PTPRF: variants seen among roughly 807,000 people sequenced by gnomAD.
PTPRF encodes the protein receptor-type tyrosine-protein phosphatase F.
In PTPRF, 59 loss-of-function variants were observed where a neutral mutation model predicts 201.8. The observed-to-expected ratio is 0.29, with a 90% CI of 0.24 to 0.36. The LOEUF (loss-of-function observed/expected upper bound fraction) is 0.36. Ranked by LOEUF, PTPRF falls within the 10% of genes least tolerant of loss-of-function variation. PTPRF has a pLI of 1.00. For synonymous variants in PTPRF, 1,088 were observed against 1,089.7 expected (o/e 1.00, Z 0.03); for missense variants, 2,132 against 2,690.5 (o/e 0.79, Z 4.59).
chr1:43,607,443 G>A (rs1655391584), intron 21 of PTPRF, among the ~76,000 whole-genome samples: 1 of 152,168 alleles, frequency 6.6e-6, no homozygotes, highest in African/African-American at 2.4e-5. Flanking sequence ...CATGACTGAT[G>A]GCCTGCTGTG....
chr1:43,614,063 A>G (rs1324731303), intron 23 of PTPRF, among the ~76,000 whole-genome samples: 1 of 152,238 alleles, frequency 6.6e-6, no homozygotes, highest in Non-Finnish European at 1.5e-5. Flanking sequence ...CAGCCACAGT[A>G]GCTGGCATCT....
intron 23 of PTPRF, among the ~76,000 whole-genome samples, chr1:43,614,579 A>AGTCGCT (rs773784808): frequency 2.6e-5 from 4 of 152,192 alleles, no homozygotes; most frequent in Non-Finnish European, 5.9e-5. Context: ...GGCCAGGCGC[A>AGTCGCT]GTCGCTCACG....
At chr1:43,584,604 G>A (rs115431709) in intron 7 of PTPRF, among the ~76,000 whole-genome samples, 79 of 151,724 alleles carry the variant, frequency 5.2e-4, no homozygotes, top group African/African-American at 1.8e-3. Context: ...AATATTTAGC[G>A]GGAAGGCAGA....
At chr1:43,613,856 G>A in intron 23 of PTPRF, 141 bp downstream of exon 23, 1 of 739,160 alleles carries the variant, frequency 1.4e-6, no homozygotes, top group Non-Finnish European at 2.3e-6. Flanking sequence ...GGTTGGCAGT[G>A]GTAAGGGTCA....
At chr1:43,572,337 G>A (rs1646630732) in intron 6 of PTPRF, among the ~76,000 whole-genome samples, 1 of 152,186 alleles carries the variant, frequency 6.6e-6, no homozygotes, top group African/African-American at 2.4e-5. Flanking sequence ...CTGCTCTAAT[G>A]TTCACTCCTC....
intron 23 of PTPRF, 107 bp downstream of exon 23, chr1:43,613,822 C>T: frequency 1.0e-6 from 1 of 967,128 alleles, no homozygotes. Context: ...AGGGGTCCAG[C>T]TTTTTCAGGA....
At chr1:43,598,226 CCCAG>C in intron 12 of PTPRF, 173 bp downstream of exon 12, 4 of 660,640 alleles carry the variant, frequency 6.1e-6, no homozygotes, top group Admixed American at 3.6e-5. Flanking sequence ...AGGCCCAAAT[CCCAG>C]CCTTTGGGGC....
Position 43,569,917 on chromosome 1 carries a change from A to C in PTPRF, c.568+139A>C, listed in dbSNP as rs1570102607. The C allele has an allele frequency of 1.3e-5, 13 of 990,658 alleles. No homozygotes were observed. The East Asian group carries it at 3.6e-4, about 28-fold the overall frequency. 61.4% of individuals were successfully genotyped at this position (990,658 alleles called of 1,614,324 possible). On this transcript the variant is annotated intron_variant, in intron 6 of 33. Transcript: ENST00000359947. ...TACCTGGTGGGGTGGGCTGGGTCTT[A>C]CTGCAGGTGTGCCTGGCTCAGGGAA...
At chr1:43,531,452 G>C (rs1234387852) in intron 1 of PTPRF, among the ~76,000 whole-genome samples, 1 of 108,874 alleles carries the variant, frequency 9.2e-6, no homozygotes, top group Non-Finnish European at 1.8e-5. Context: ...CCCCCTCATC[G>C]GTCCCGCCTC....
intron 22 of PTPRF, among the ~76,000 whole-genome samples, chr1:43,612,326 AT>A (rs1465433188): frequency 6.6e-6 from 1 of 152,116 alleles, no homozygotes; most frequent in Non-Finnish European, 1.5e-5. Flanking sequence ...TCCTGGGAAG[AT>A]ACCTGGGAAG....
chr1:43,558,124 A>T (rs1267049059), intron 5 of PTPRF, among the ~76,000 whole-genome samples: 1 of 152,126 alleles, frequency 6.6e-6, no homozygotes, highest in Non-Finnish European at 1.5e-5. Flanking sequence ...ACCACAGGGT[A>T]CGAGGAGGGC....
In PTPRF at chr1:43,617,362, C is replaced by T. The variant is rs553039364; in HGVS notation, c.4072-83C>T. ...GAGTGAAGGCAGGATGTGAGCATCA[C>T]CGGGAAGGCTGGGTCCCCTGCAGGA... On this transcript the variant is annotated intron_variant, in intron 23 of 33. Coordinates refer to ENST00000359947, the MANE Select transcript of PTPRF (RefSeq NM_002840.5). 4.6e-4 allele frequency: 725 copies of T among 1,571,150 alleles called. 2 individuals carry two copies. The highest frequency in any genetic ancestry group is 3.5e-4 in the Non-Finnish European group (408 of 1,150,592).
intron 3 of PTPRF, among the ~76,000 whole-genome samples, chr1:43,549,825 G>T (rs1326432413): frequency 1.3e-5 from 2 of 151,506 alleles, no homozygotes; most frequent in African/African-American, 4.9e-5. Flanking sequence ...TGTGCCACTT[G>T]TACTCCAACC....
In PTPRF at chr1:43,602,114, C is replaced by T; in HGVS notation, c.2340+17C>T. The T allele has an allele frequency of 1.9e-6, 3 of 1,610,838 alleles. No individual in the cohort carries two copies. Among genetic ancestry groups the T allele is most frequent in the Non-Finnish European group, 2.5e-6 (3 of 1,176,968 alleles). The stretch of plus-strand genomic sequence containing the variant: ...GAGGACTATGTAAGTAACAGGTGTG[C>T]GAACGCGGACAAGACATGGGTCAAG... On this transcript the variant is annotated intron_variant, in intron 14 of 33. Transcript: ENST00000359947.
chr1:43,560,838 C>T (rs1258127310), intron 5 of PTPRF, among the ~76,000 whole-genome samples: 2 of 152,200 alleles, frequency 1.3e-5, no homozygotes, highest in African/African-American at 4.8e-5. Flanking sequence ...CTCTCCCTCC[C>T]CTACCCCACC....
At chr1:43,541,005 C>T (rs574140546) in intron 2 of PTPRF, among the ~76,000 whole-genome samples, 8 of 152,242 alleles carry the variant, frequency 5.3e-5, no homozygotes, top group Non-Finnish European at 1.0e-4. Flanking sequence ...CAAAAGGGCT[C>T]GGTTAGCTGC....
chr1:43,522,240 C>T (rs890382822), upstream of PTPRF, among the ~76,000 whole-genome samples: 2 of 152,198 alleles, frequency 1.3e-5, no homozygotes, highest in African/African-American at 2.4e-5. Flanking sequence ...GAAAAGGAGA[C>T]AGCCACGCAA....
intron 8 of PTPRF, among the ~76,000 whole-genome samples, chr1:43,589,880 A>C (rs931377479): frequency 2.3e-4 from 35 of 151,306 alleles, no homozygotes; most frequent in Non-Finnish European, 4.0e-4. Flanking sequence ...AAAAAAAAAA[A>C]CCAGATTCCT....
At chr1:43,580,653 A>T (rs987580964) in intron 7 of PTPRF, among the ~76,000 whole-genome samples, 1 of 152,210 alleles carries the variant, frequency 6.6e-6, no homozygotes, top group Non-Finnish European at 1.5e-5. Context: ...TCTGGCAGGC[A>T]TTGGGGCTGG....
Sources: gnomAD v4.1 joint callset for allele counts (sites outside exome capture counted in the v4.1 genomes callset) on GRCh38, gnomAD v4.1.1 for gene constraint, MANE v1.5 for transcripts, NCBI Gene and HGNC (gene_info 2026-07-23, HGNC 2026-07-21) for gene names.